The following DST variants were observed in gnomAD, a reference collection of about 807,000 sequenced individuals.
The protein encoded by DST is bullous pemphigoid antigen.
A neutral mutation model predicts 875.2 loss-of-function variants in DST; 253 were observed. The observed-to-expected ratio is 0.29, with a 90% CI of 0.26 to 0.32. The LOEUF is 0.32. Among genes scored for constraint, DST ranks in the 10% least tolerant of loss-of-function variants. The probability of loss-of-function intolerance (pLI) is 1.00; values close to 1 mark genes in which losing one functional copy is unlikely to be tolerated. For missense variants in DST, 8,287 were observed against 9,111.6 expected, an observed-to-expected ratio of 0.91 and a Z score of 3.68; for synonymous variants, 3,124 against 3,197.1, an observed-to-expected ratio of 0.98 and a Z score of 0.77.
intron 5 of DST, among the ~76,000 whole-genome samples, chr6:56,722,941 T>C (rs1589213648): frequency 6.6e-6 from 1 of 152,198 alleles, no homozygotes; most frequent in South Asian, 2.1e-4. Context: ...TTCAACTCAG[T>C]AGCCTTAAAA....
At chr6:56,936,524 C>G (rs62411429) in intron 2 of DST, among the ~76,000 whole-genome samples, 31,456 of 152,024 alleles carry the variant, frequency 0.21, 3,608 homozygotes, top group Middle Eastern at 0.26. Context: ...GTGAGAAGGA[C>G]AATTCTTAAG....
At chr6:56,885,660 C>T (rs1784388973) in intron 3 of DST, among the ~76,000 whole-genome samples, 2 of 152,306 alleles carry the variant, frequency 1.3e-5, no homozygotes, top group Admixed American at 1.3e-4. Context: ...CTCCCTTGCT[C>T]TCTCTTGCTG....
intron 64 of DST, among the ~76,000 whole-genome samples, 190 bp from the exon 65 acceptor site, chr6:56,530,323 C>T (rs1012146473): frequency 1.3e-5 from 2 of 152,130 alleles, no homozygotes; most frequent in Non-Finnish European, 2.9e-5. Context: ...TAAAGTTGAA[C>T]AACAGATCAT....
At chr6:56,873,375 T>C (rs1778240655) in intron 3 of DST, among the ~76,000 whole-genome samples, 1 of 152,242 alleles carries the variant, frequency 6.6e-6, no homozygotes, top group Non-Finnish European at 1.5e-5. Context: ...TTTGGTTTCC[T>C]GTGCTTTTGA....
intron 90 of DST, among the ~76,000 whole-genome samples, chr6:56,479,424 G>A (rs1243027880): frequency 6.6e-6 from 1 of 152,038 alleles, no homozygotes; most frequent in East Asian, 1.9e-4. Flanking sequence ...CCACTACTCG[G>A]TATCTACCCA....
intron 72 of DST, among the ~76,000 whole-genome samples, chr6:56,514,601 ACACACACACACC>A (rs2096552792): frequency 7.4e-6 from 1 of 135,360 alleles, no homozygotes; most frequent in East Asian, 2.6e-4. Context: ...ACACACACAC[ACACACACACACC>A]CCCTCATGCG....
Position 56,645,862 on chromosome 6 carries a change from C to T in DST, c.1778+4G>A, listed in dbSNP as rs759662062. 6.2e-7 allele frequency: 1 copy of T among 1,612,842 alleles called. No individual in the cohort carries two copies. Among genetic ancestry groups the T allele is most frequent in the Non-Finnish European group, 8.5e-7 (1 of 1,179,488 alleles). On this transcript the variant is annotated splice_donor_region_variant and intron_variant, in intron 15 of 103. Transcript: ENST00000680361. ...ATTCATGGCAGAAAACACCTCTGGCCTACCTTTCTACTTCTGGACGAAGGG... is the reference window on the plus strand; with the variant it reads ...ATTCATGGCAGAAAACACCTCTGGCTTACCTTTCTACTTCTGGACGAAGGG...
At chr6:56,849,831 C>T (rs1263498596) in intron 4 of DST, among the ~76,000 whole-genome samples, 1 of 152,182 alleles carries the variant, frequency 6.6e-6, no homozygotes, top group Non-Finnish European at 1.5e-5. Flanking sequence ...AGCCCAGAAG[C>T]ACCTTCTACC....
chr6:56,627,376 T>C, intron 33 of DST, 89 bp from the exon 34 acceptor site: 1 of 889,832 alleles, frequency 1.1e-6, no homozygotes. Flanking sequence ...CATATCTACA[T>C]CACTTCACAG....
At chr6:56,902,144 G>A (rs1383460781) in intron 2 of DST, among the ~76,000 whole-genome samples, 1 of 152,162 alleles carries the variant, frequency 6.6e-6, no homozygotes, top group African/African-American at 2.4e-5. Context: ...TAGACAGATG[G>A]GTGGAGTATT....
intron 9 of DST, among the ~76,000 whole-genome samples, chr6:56,696,717 T>G (rs998370706): frequency 1.3e-5 from 2 of 152,172 alleles, no homozygotes; most frequent in Non-Finnish European, 2.9e-5. Context: ...TCCATCTTAA[T>G]TTTCTTGTGG....
At chr6:56,735,172 A>G in intron 5 of DST, 56 bp downstream of exon 5, 1 of 1,231,748 alleles carries the variant, frequency 8.1e-7, no homozygotes, top group Non-Finnish European at 1.2e-6. Context: ...CAATTACTGC[A>G]AAATAAACTG....
rs200778945 is a variant in DST at position 56,722,617 on chromosome 6, C to T, written c.687+12611G>A. Among the ~76,000 whole-genome samples the T allele has an allele frequency of 5.9e-5, 9 of 152,242 alleles. No individual in the cohort carries two copies. In the East Asian group the frequency reaches 1.7e-3, roughly 29 times the overall value. Reference sequence around the variant, plus strand: ...CAGGCTGGTCTCAAACTCCTGACCTCGTGATCCACCTACTTTGGCCTCCCA... The same window carrying T: ...CAGGCTGGTCTCAAACTCCTGACCTTGTGATCCACCTACTTTGGCCTCCCA... On this transcript the variant is annotated intron_variant, in intron 5 of 103. Transcript: ENST00000680361.
rs964453406 is a variant in DST at position 56,591,850 on chromosome 6, C to T, written c.12903+332G>A. On this transcript the variant is annotated intron_variant, in intron 49 of 103. Coordinates refer to ENST00000680361, the MANE Select transcript of DST (RefSeq NM_001374736.1). ...TAGCGCCTGTAGTCCCAGCTGGTGG[C>T]GGGCGCCTGTAGTCCCAGCTACTTG... Among the ~76,000 whole-genome samples, 9 of 151,782 alleles carry T rather than the reference C, an allele frequency of 5.9e-5. No individual in the cohort carries two copies. The East Asian group carries it at 7.8e-4, about 13-fold the overall frequency.
At chr6:56,568,778 G>A (rs1017910187) in intron 54 of DST, among the ~76,000 whole-genome samples, 183 bp from the exon 55 acceptor site, 39 of 152,146 alleles carry the variant, frequency 2.6e-4, no homozygotes, top group African/African-American at 9.2e-4. Context: ...CTCAGTTAAC[G>A]GTTGGGTATG....
intron 4 of DST, among the ~76,000 whole-genome samples, chr6:56,826,667 A>G (rs920831077): frequency 6.6e-6 from 1 of 152,210 alleles, no homozygotes; most frequent in Admixed American, 6.5e-5. Flanking sequence ...TAGAGATTTA[A>G]TTCATATTAC....
intron 36 of DST, chr6:56,618,887 A>T (rs1293103054): frequency 6.2e-7 from 1 of 1,613,988 alleles, no homozygotes; most frequent in South Asian, 1.1e-5. Context: ...TACTTTTTTC[A>T]ACCTGTTATT....
chr6:56,839,702 TCAATAAAGG>T (rs1196945161), intron 4 of DST, among the ~76,000 whole-genome samples: 1 of 152,176 alleles, frequency 6.6e-6, no homozygotes, highest in Non-Finnish European at 1.5e-5. Context: ...TAATCACCTA[TCAATAAAGG>T]CAATAAACCC....
intron 4 of DST, among the ~76,000 whole-genome samples, chr6:56,834,645 T>A (rs2099791359): frequency 6.6e-6 from 1 of 150,388 alleles, no homozygotes; most frequent in African/African-American, 2.4e-5. Flanking sequence ...GAACTGCAAA[T>A]TAAAACAATG....
Sources: gnomAD v4.1 joint callset for allele counts (sites outside exome capture counted in the v4.1 genomes callset) on GRCh38, gnomAD v4.1.1 for gene constraint, MANE v1.5 for transcripts, NCBI Gene and HGNC (gene_info 2026-07-23, HGNC 2026-07-21) for gene names.